Variants in BANP observed in about 807,000 individuals in gnomAD.
BANP encodes the protein protein BANP.
In BANP, 11 loss-of-function variants were observed where a neutral mutation model predicts 68.1. The ratio of observed to expected loss-of-function variants is 0.16; its 90% confidence interval spans 0.10 to 0.27. BANP has a LOEUF of 0.27. Among genes scored for constraint, BANP ranks in the 10% least tolerant of loss-of-function variants. The probability of loss-of-function intolerance (pLI) is 1.00; values close to 1 mark genes in which losing one functional copy is unlikely to be tolerated. For missense variants in BANP, 504 were observed against 722.7 expected (o/e 0.70, Z 3.47); for synonymous variants, 329 against 303.2 (o/e 1.09, Z -0.88).
rs184945998 is a variant in BANP at position 88,071,858 on chromosome 16, G to A, written c.1378-211G>A. The A allele has an allele frequency of 5.3e-4, 382 of 718,676 alleles. 2 individuals are homozygous for A. The highest frequency in any genetic ancestry group is 2.5e-4 in the Non-Finnish European group (99 of 401,724). The allele number at this position is 718,676 out of a possible 1,614,324, so 44.5% of individuals were successfully genotyped here. A position where few individuals can be genotyped will look rare whatever the true frequency, so the allele number is the denominator to read the frequency against. ...GGAGTTGCAGATCCAGCAGAGACTC[G>A]ATGGCACTCTCTCACTGGATCTGAT... On this transcript the variant is annotated intron_variant, in intron 12 of 13. Transcript: ENST00000682872. This position sits in a 1 kb window ranked among gnomAD's most constrained non-coding sequence, Gnocchi z 6.5.
intron 11 of BANP, among the ~76,000 whole-genome samples, chr16:88,044,170 C>T (rs1339114947): frequency 6.6e-6 from 1 of 152,236 alleles, no homozygotes; most frequent in Non-Finnish European, 1.5e-5. Flanking sequence ...CATTCTGCGG[C>T]GATGCTGCCT....
chr16:88,062,572 C>T (rs1280465065), intron 11 of BANP, among the ~76,000 whole-genome samples: 1 of 152,194 alleles, frequency 6.6e-6, no homozygotes, highest in Admixed American at 6.5e-5. Context: ...AACCACTGTC[C>T]CCAACCAAGC....
intron 13 of BANP, 132 bp downstream of exon 13, chr16:88,072,344 C>T: frequency 9.2e-7 from 1 of 1,082,162 alleles, no homozygotes; most frequent in African/African-American, 1.6e-5. Flanking sequence ...GACACAGATG[C>T]CCATCTGAGG....
intron 1 of BANP, among the ~76,000 whole-genome samples, chr16:87,964,880 G>A (rs767377530): frequency 3.3e-4 from 50 of 152,230 alleles, no homozygotes; most frequent in Non-Finnish European, 5.7e-4. Flanking sequence ...TGTGGAAGAA[G>A]CAGGTTGGTT....
chr16:88,033,263 C>G lies in BANP; in HGVS notation c.1200+18C>G, dbSNP rs946022519. ...TGCAAGTAGTACGTACCCTCTCCAC[C>G]TCACACCTTGGGAAAGGGGGCTGCG... On this transcript the variant is annotated intron_variant, in intron 9 of 13. Transcript: ENST00000682872. 43 of 1,544,252 alleles carry G rather than the reference C, an allele frequency of 2.8e-5. No individual in the cohort carries two copies. The highest frequency in any genetic ancestry group is 1.2e-5 in the South Asian group (1 of 83,252).
intron 7 of BANP, among the ~76,000 whole-genome samples, chr16:88,020,357 G>A (rs2075772029): frequency 6.6e-6 from 1 of 152,242 alleles, no homozygotes; most frequent in Admixed American, 6.5e-5. Context: ...GGCATGGCGT[G>A]GCCAGGAGCA....
intron 11 of BANP, among the ~76,000 whole-genome samples, chr16:88,046,645 A>G (rs2082085734): frequency 6.6e-6 from 1 of 151,902 alleles, no homozygotes; most frequent in Admixed American, 6.6e-5. Context: ...TCCCAGGTTC[A>G]GGCGATTCTC....
chr16:87,995,502 C>T (rs1230373005), intron 4 of BANP, among the ~76,000 whole-genome samples: 1 of 152,094 alleles, frequency 6.6e-6, no homozygotes, highest in African/African-American at 2.4e-5. Context: ...TTCTTTTTAC[C>T]TGGCTGTTGT....
intron 11 of BANP, among the ~76,000 whole-genome samples, chr16:88,041,973 G>A (rs1253068044): frequency 6.6e-6 from 1 of 152,180 alleles, no homozygotes; most frequent in African/African-American, 2.4e-5. Context: ...CAGTAGGAGG[G>A]TGAGAGACGC....
At chr16:88,034,473 T>G (rs2078874232) in intron 9 of BANP, among the ~76,000 whole-genome samples, 9 of 40,118 alleles carry the variant, frequency 2.2e-4, no homozygotes, top group African/African-American at 7.4e-4. Context: ...GATTCTTTGA[T>G]TTTTTTTGAA....
At chr16:88,075,033 C>T (rs1436258575) in intron 13 of BANP, among the ~76,000 whole-genome samples, 2 of 152,082 alleles carry the variant, frequency 1.3e-5, no homozygotes, top group Admixed American at 1.3e-4. Flanking sequence ...GCGAGACCCC[C>T]ATCTCTACAA....
chr16:87,986,611 G>C (rs2064494236), intron 4 of BANP, among the ~76,000 whole-genome samples: 3 of 152,186 alleles, frequency 2.0e-5, no homozygotes, highest in Admixed American at 1.3e-4. Flanking sequence ...GGGCTGCTTT[G>C]GCCCAGGGTC....
chr16:88,066,531 A>G (rs1052973302), intron 12 of BANP, among the ~76,000 whole-genome samples: 1 of 152,220 alleles, frequency 6.6e-6, no homozygotes, highest in Non-Finnish European at 1.5e-5. Flanking sequence ...CCCAAAAACA[A>G]GTGCCTCCTG....
At position 88,018,774 on chromosome 16, in the gene BANP, G is replaced by A. The variant is rs1281554723; in HGVS notation, c.895+107G>A. ...ATCAGTAGCACCGGCACGGGGCTGCGTTTCTCCAGGCGGTTTGAAATCTCA... is the reference window on the plus strand; with the variant it reads ...ATCAGTAGCACCGGCACGGGGCTGCATTTCTCCAGGCGGTTTGAAATCTCA... On this transcript the variant is annotated intron_variant, in intron 7 of 13. Transcript: ENST00000682872. The surrounding 1 kb of genome is among the most constrained non-coding windows in gnomAD (Gnocchi z 7.7). 14 of 1,367,492 alleles carry A rather than the reference G, an allele frequency of 1.0e-5. No individual in the cohort carries two copies. The highest frequency in any genetic ancestry group is 2.5e-5 in the Admixed American group (1 of 40,110). The allele number at this position is 1,367,492 out of a possible 1,614,324, so 84.7% of individuals were successfully genotyped here. A position where few individuals can be genotyped will look rare whatever the true frequency, so the allele number is the denominator to read the frequency against.
chr16:87,956,510 T>C (rs1284809510), intron 1 of BANP: 1 of 152,236 alleles, frequency 6.6e-6, no homozygotes, highest in East Asian at 1.9e-4. Context: ...TTGAAAACAG[T>C]ATTGGGTGGA....
chr16:88,032,795 C>G (rs913363681), intron 8 of BANP, among the ~76,000 whole-genome samples: 2 of 152,206 alleles, frequency 1.3e-5, no homozygotes, highest in Non-Finnish European at 2.9e-5. Flanking sequence ...TATTGCCAGC[C>G]TGAAACAGCT....
chr16:88,037,947 C>T (rs1254675343), intron 10 of BANP, 26 bp from the exon 11 acceptor site: 4 of 1,612,196 alleles, frequency 2.5e-6, no homozygotes, highest in African/African-American at 2.7e-5. Context: ...CTACTCATGA[C>T]CGTCTCCTCC....
At chr16:88,028,843 C>T (rs1158514779) in intron 8 of BANP, among the ~76,000 whole-genome samples, 1 of 152,154 alleles carries the variant, frequency 6.6e-6, no homozygotes, top group Non-Finnish European at 1.5e-5. Context: ...ATTTTTATTG[C>T]AAATATATAG....
chr16:87,969,893 G>A (rs1267311169), intron 1 of BANP: 1 of 141,230 alleles, frequency 7.1e-6, no homozygotes, highest in Non-Finnish European at 1.5e-5. Context: ...GCTCATTTTT[G>A]ATTAGGTTGA....
Sources: gnomAD v4.1 joint callset for allele counts (sites outside exome capture counted in the v4.1 genomes callset) on GRCh38, gnomAD v4.1.1 for gene constraint, Gnocchi (gnomAD v3.1) non-coding constraint, MANE v1.5 for transcripts, NCBI Gene and HGNC (gene_info 2026-07-23, HGNC 2026-07-21) for gene names.